The following FLVCR2 variants were observed in gnomAD, a reference collection of about 807,000 sequenced individuals.
FLVCR2 encodes the protein FLVCR choline and putative heme transporter 2, also known as choline/ethanolamine transporter FLVCR2.
FLVCR2 carries 38 observed loss-of-function variants against 48.9 expected under a neutral mutation model. The ratio of observed to expected loss-of-function variants is 0.78; its 90% CI spans 0.60 to 1.02. FLVCR2 has a LOEUF of 1.02. FLVCR2 is among the 50% of genes least tolerant of loss of function. FLVCR2 has a pLI of 0.00. For synonymous variants in FLVCR2, 255 were observed against 257.0 expected (o/e 0.99, Z 0.07); for missense variants, 664 against 663.3 (o/e 1.00, Z -0.01).
chr14:75,635,593 A>C (rs934877442), intron 5 of FLVCR2, among the ~76,000 whole-genome samples: 6 of 152,232 alleles, frequency 3.9e-5, no homozygotes, highest in Non-Finnish European at 7.3e-5. Context: ...GGCTGGGCGC[A>C]GTGACTCACA....
chr14:75,614,020 G>A (rs1213279118), intron 1 of FLVCR2, among the ~76,000 whole-genome samples: 2 of 152,168 alleles, frequency 1.3e-5, no homozygotes, highest in Admixed American at 6.5e-5. Flanking sequence ...TGTGCATAGA[G>A]GTATGTAGAT....
chr14:75,617,778 G>C (rs916618518), intron 1 of FLVCR2, among the ~76,000 whole-genome samples: 2 of 152,142 alleles, frequency 1.3e-5, no homozygotes, highest in Admixed American at 1.3e-4. Context: ...TAATCTGGTT[G>C]GGAAGACAGA....
At chr14:75,619,534 C>G (rs1889709154) in intron 1 of FLVCR2, among the ~76,000 whole-genome samples, 1 of 152,070 alleles carries the variant, frequency 6.6e-6, no homozygotes, top group South Asian at 2.1e-4. Context: ...GACTATGGAA[C>G]AGACCTATAT....
At chr14:75,633,542 C>T in intron 3 of FLVCR2, 87 bp from the exon 4 acceptor site, 1 of 1,046,014 alleles carries the variant, frequency 9.6e-7, no homozygotes, top group Non-Finnish European at 1.5e-6. Flanking sequence ...AGGATTTCTG[C>T]CCACCCCCCA....
At chr14:75,581,553 T>C (rs769918791) in intron 1 of FLVCR2, among the ~76,000 whole-genome samples, 2 of 152,140 alleles carry the variant, frequency 1.3e-5, no homozygotes, top group Non-Finnish European at 2.9e-5. Flanking sequence ...TATTGGACTG[T>C]ATAGAGGTGG....
At chr14:75,646,314 T>C (rs1046355464) in intron 9 of FLVCR2, 87 bp from the exon 10 acceptor site, 13 of 878,950 alleles carry the variant, frequency 1.5e-5, no homozygotes, top group Non-Finnish European at 2.1e-5. Flanking sequence ...TATTCCCCAC[T>C]GATTAGTCAT....
At chr14:75,605,530 C>T (rs1006284836) in intron 1 of FLVCR2, 6 of 1,534,776 alleles carry the variant, frequency 3.9e-6, no homozygotes, top group Non-Finnish European at 5.2e-6. Flanking sequence ...TGAGCTCAGC[C>T]TCTCACCCCA....
At chr14:75,628,385 A>G (rs560014085) in intron 3 of FLVCR2, among the ~76,000 whole-genome samples, 2 of 152,222 alleles carry the variant, frequency 1.3e-5, no homozygotes, top group South Asian at 2.1e-4. Context: ...AACAAAAACA[A>G]TTTTCTAAAA....
intron 1 of FLVCR2, among the ~76,000 whole-genome samples, chr14:75,607,534 G>A (rs1180222895): frequency 6.6e-6 from 1 of 152,110 alleles, no homozygotes; most frequent in African/African-American, 2.4e-5. Context: ...GGCTGGGAAT[G>A]GAACCTCAGA....
At chr14:75,598,286 GA>G (rs1475819722) in intron 1 of FLVCR2, among the ~76,000 whole-genome samples, 23 of 152,160 alleles carry the variant, frequency 1.5e-4, no homozygotes, top group Admixed American at 1.5e-3. Context: ...AAAACGTCCT[GA>G]AAACCTTAGG....
At position 75,616,026 on chromosome 14, in the gene FLVCR2, C is replaced by CAAAAAAAA. The variant is rs10629813; in HGVS notation, c.670-6038_670-6031dup. ...TGGGTGACAGAGTGAGACTCCATCTCAAAAAAAAAAAAAAAAAAAAAATAG... is the reference window on the plus strand; with the variant it reads ...TGGGTGACAGAGTGAGACTCCATCTCAAAAAAAAAAAAAAAAAAAAAAAAAAAAAATAG... On this transcript the variant is annotated intron_variant, in intron 1 of 9. Transcript: ENST00000238667. Among the ~76,000 whole-genome samples, 40 of 25,630 alleles carry CAAAAAAAA rather than the reference C, an allele frequency of 1.6e-3. 10 individuals carry two copies. Among genetic ancestry groups the CAAAAAAAA allele is most frequent in the Admixed American group, 4.1e-3 (5 of 1,212 alleles). 16.8% of individuals were successfully genotyped at this position (25,630 alleles called of 152,430 possible). A position where few individuals can be genotyped will look rare whatever the true frequency, so the allele number is the denominator to read the frequency against.
intron 5 of FLVCR2, among the ~76,000 whole-genome samples, chr14:75,636,944 C>T (rs544180677): frequency 4.6e-5 from 7 of 152,306 alleles, no homozygotes; most frequent in Middle Eastern, 3.4e-3. Context: ...GCGTCCATGA[C>T]GTTGCTTTCA....
At chr14:75,593,610 C>T (rs564918056) in intron 1 of FLVCR2, among the ~76,000 whole-genome samples, 181 of 152,268 alleles carry the variant, frequency 1.2e-3, no homozygotes, top group Non-Finnish European at 1.9e-3. Flanking sequence ...CCAAATGCCT[C>T]CCACTAAGCC....
chr14:75,635,873 C>T (rs944964620), intron 5 of FLVCR2, among the ~76,000 whole-genome samples: 9 of 152,126 alleles, frequency 5.9e-5, no homozygotes, highest in African/African-American at 1.2e-4. Context: ...AATGTTTTAT[C>T]GGTGTGCACA....
In FLVCR2 at chr14:75,579,448, C is replaced by T. The variant is rs202224246; in HGVS notation, c.476C>T (p.Ala159Val). The T allele has an allele frequency of 5.6e-6, 9 of 1,613,936 alleles. No homozygotes were observed. The Admixed American group carries it at 1.3e-4, about 24-fold the overall frequency. ...GLRTIALTGS[A>V]LNCLGAWVKL... is the part of the protein sequence containing the mutation. ...CGCACCATTGCTCTCACTGGCTCGG[C>T]TCTCAACTGCCTGGGGGCCTGGGTG... The change falls in exon 1 of 10, where the codon GCT becomes GTT. Residue 159 changes from alanine (A) to valine (V), a missense_variant. Transcript: ENST00000238667.
chr14:75,614,834 A>G (rs1031191410), intron 1 of FLVCR2, among the ~76,000 whole-genome samples: 1 of 152,222 alleles, frequency 6.6e-6, no homozygotes, highest in African/African-American at 2.4e-5. Context: ...GGTAGGCAAG[A>G]GAGCGAGAGA....
At position 75,580,627 on chromosome 14, in the gene FLVCR2, G is replaced by A. The variant is rs148637106; in HGVS notation, c.669+986G>A. On this transcript the variant is annotated intron_variant, in intron 1 of 9. Transcript: ENST00000238667. ...AGCAAAGGGTGGTGGATTATCATCA[G>A]TTCTTATAGGTTTTGGGATAGGTGG... Among the ~76,000 whole-genome samples, 1,004 of 152,304 alleles carry A rather than the reference G, an allele frequency of 6.6e-3. 6 individuals carry two copies. The highest frequency in any genetic ancestry group is 0.014 in the Middle Eastern group (4 of 294).
chr14:75,636,923 G>C (rs1890178998), intron 5 of FLVCR2, among the ~76,000 whole-genome samples: 1 of 152,174 alleles, frequency 6.6e-6, no homozygotes, highest in South Asian at 2.1e-4. Context: ...TGGGATCATC[G>C]GGCAAGACTG....
At chr14:75,645,378 C>A (rs980913245) in intron 9 of FLVCR2, among the ~76,000 whole-genome samples, 1 of 152,104 alleles carries the variant, frequency 6.6e-6, no homozygotes, top group Admixed American at 6.5e-5. Flanking sequence ...TCAGAAGAAC[C>A]CTTGAGGTCA....
Sources: allele counts gnomAD v4.1 joint callset (sites outside exome capture counted in the v4.1 genomes callset), GRCh38; gene constraint gnomAD v4.1.1; transcripts MANE v1.5; gene names NCBI Gene and HGNC (gene_info 2026-07-23, HGNC 2026-07-21).